Variants in KMT2C observed in about 807,000 individuals in gnomAD.
KMT2C encodes the protein histone-lysine N-methyltransferase 2C.
A neutral mutation model predicts 507.9 loss-of-function variants in KMT2C; 88 were observed. That is an observed-to-expected ratio of 0.17 (90% CI 0.15 to 0.21). The LOEUF is 0.21. Ranked by LOEUF, KMT2C falls within the 10% of genes least tolerant of loss-of-function variation. The pLI, the probability that KMT2C is intolerant of heterozygous loss-of-function variation, is 1.00. For missense variants in KMT2C, 4,954 were observed against 5,957.8 expected, an observed-to-expected ratio of 0.83 and a Z score of 5.55; for synonymous variants, 2,049 against 2,080.8, an observed-to-expected ratio of 0.98 and a Z score of 0.42.
chr7:152,150,108 T>C (rs191703900), intron 51 of KMT2C, among the ~76,000 whole-genome samples: 53 of 152,340 alleles, frequency 3.5e-4, no homozygotes, highest in African/African-American at 1.2e-3. Context: ...AGTATTACTG[T>C]ACAGGAAAAG....
chr7:152,214,153 G>A (rs2094517753), intron 23 of KMT2C, among the ~76,000 whole-genome samples: 1 of 149,950 alleles, frequency 6.7e-6, no homozygotes, highest in African/African-American at 2.5e-5. Context: ...ATTGAAAACA[G>A]TATAGAGTTT....
chr7:152,407,959 C>CTAT, intron 1 of KMT2C, among the ~76,000 whole-genome samples: 1 of 152,290 alleles, frequency 6.6e-6, no homozygotes, highest in Non-Finnish European at 1.5e-5. Flanking sequence ...AAATATGGAA[C>CTAT]ATATACTTCA....
rs768210869 is a variant in KMT2C, at chr7:152,163,826, T to G, written c.9751A>C (p.Ile3251Leu). The change falls in exon 43 of 59, where the codon ATT becomes CTT. Residue 3251 changes from isoleucine (I) to leucine (L), a missense_variant and splice_region_variant. Physicochemically the swap from Ile to Leu is conservative, Grantham distance 5. Transcript: ENST00000262189. ...QSMVQKQLEQ[I>L]RKQQKEHAEL... ...GCATGTTCTTTCTGTTGTTTACGAATCTGGAATAACAAAATGCATCATTAC... is the reference window on the plus strand; with the variant it reads ...GCATGTTCTTTCTGTTGTTTACGAAGCTGGAATAACAAAATGCATCATTAC... 11 of 1,613,544 alleles carry G rather than the reference T, an allele frequency of 6.8e-6. No homozygotes were observed. In the South Asian group the frequency reaches 1.1e-4, roughly 16 times the overall value.
chr7:152,203,933 G>A (rs535979170), intron 25 of KMT2C, among the ~76,000 whole-genome samples: 3 of 152,208 alleles, frequency 2.0e-5, no homozygotes, highest in South Asian at 2.1e-4. Flanking sequence ...AAAGCTCTCC[G>A]AAATTTGCTG....
intron 1 of KMT2C, among the ~76,000 whole-genome samples, chr7:152,390,153 G>A (rs1464467776): frequency 1.3e-5 from 2 of 152,064 alleles, no homozygotes; most frequent in South Asian, 2.1e-4. Flanking sequence ...GCCAAACCTC[G>A]GCATTACATA....
intron 6 of KMT2C, among the ~76,000 whole-genome samples, chr7:152,291,279 T>C (rs2096422135): frequency 6.6e-6 from 1 of 152,298 alleles, no homozygotes; most frequent in East Asian, 1.9e-4. Flanking sequence ...CAATTCAGTA[T>C]ATTCTGCCTC....
At chr7:152,171,931 G>A (rs1279572752) in intron 39 of KMT2C, among the ~76,000 whole-genome samples, 1 of 152,164 alleles carries the variant, frequency 6.6e-6, no homozygotes, top group Non-Finnish European at 1.5e-5. Flanking sequence ...ATGGTTAAAC[G>A]TGTTTAGAGA....
Position 152,194,081 on chromosome 7 carries a change from G to A in KMT2C, c.4588C>T (p.Pro1530Ser). 2 of 1,594,154 alleles carry A rather than the reference G, an allele frequency of 1.3e-6. No homozygotes were observed. The highest frequency in any genetic ancestry group is 1.7e-6 in the Non-Finnish European group (2 of 1,173,686). The change falls in exon 31 of 59, where the codon CCT becomes TCT. Residue 1530 changes from proline to serine, a missense_variant. Pro to Ser is a moderately conservative substitution (Grantham distance 74). Around this residue, in one of 29 missense-constraint regions of KMT2C, gnomAD observed 195 missense variants for 183.7 expected, o/e 1.06. Coordinates refer to ENST00000262189, the MANE Select transcript of KMT2C (RefSeq NM_170606.3). ...AATGGAGTTGGCTGAGTGTTCGCAG[G>A]ACTAAGTACAGCTGTAAATAAGTCT... is the stretch of plus-strand genomic sequence containing the variant. ...VEDLFTAVLSPANTQPTPLPQ... is the reference protein window; with the variant it reads ...VEDLFTAVLSSANTQPTPLPQ...
intron 36 of KMT2C, 81 bp downstream of exon 36, chr7:152,180,630 G>T: frequency 1.9e-6 from 2 of 1,057,148 alleles, no homozygotes; most frequent in Non-Finnish European, 2.7e-6. Context: ...ATTAACTCCT[G>T]TGTAGAAATT....
Position 152,166,971 on chromosome 7 carries a change from G to C in KMT2C, c.9750+175C>G, listed in dbSNP as rs1587860497. On this transcript the variant is annotated intron_variant, in intron 42 of 58. Transcript: ENST00000262189. ...TCACTTTAAGTAAAAGACTGGAGCT[G>C]TTATGGCTGCAGTTACTAAGAGGTC... 5.9e-5 allele frequency among the ~76,000 whole-genome samples: 9 copies of C among 152,292 alleles called. No homozygotes were observed. The South Asian group carries it at 1.9e-3, about 32-fold the overall frequency.
chr7:152,139,531 T>A, intron 56 of KMT2C, 144 bp downstream of exon 56: 4 of 647,334 alleles, frequency 6.2e-6, no homozygotes, highest in Non-Finnish European at 1.1e-5. Flanking sequence ...CTGATAAAAA[T>A]ACACTAATAT....
Position 152,334,738 on chromosome 7 carries a change from G to A in KMT2C, c.251-3999C>T, listed in dbSNP as rs371124505. On this transcript the variant is annotated intron_variant, in intron 2 of 58. Coordinates refer to ENST00000262189, the MANE Select transcript of KMT2C (RefSeq NM_170606.3). ...CCAGTCGCAATGCTGCCAATGAGGCGCAATGCTCCAGGTGATGGCAGAGAG... is the reference window on the plus strand; with the variant it reads ...CCAGTCGCAATGCTGCCAATGAGGCACAATGCTCCAGGTGATGGCAGAGAG... Among the ~76,000 whole-genome samples the A allele has an allele frequency of 8.5e-5, 13 of 152,280 alleles. No individual in the cohort carries two copies. In the East Asian group the frequency reaches 1.2e-3, roughly 14 times the overall value.
At chr7:152,197,286 G>GA (rs966703143) in intron 27 of KMT2C, among the ~76,000 whole-genome samples, 7 of 152,184 alleles carry the variant, frequency 4.6e-5, no homozygotes, top group Non-Finnish European at 1.0e-4. Flanking sequence ...GCTTAACCAA[G>GA]AAACTATTGG....
chr7:152,307,398 G>C (rs2096631408), intron 6 of KMT2C, among the ~76,000 whole-genome samples: 1 of 150,040 alleles, frequency 6.7e-6, no homozygotes. Flanking sequence ...GGAAGGGAGG[G>C]GAGAAGGAAG....
At chr7:152,223,505 T>C (rs1462984658) in intron 20 of KMT2C, among the ~76,000 whole-genome samples, 1 of 152,092 alleles carries the variant, frequency 6.6e-6, no homozygotes, top group African/African-American at 2.4e-5. Context: ...TAAAAATCTT[T>C]AGTCTTGGGC....
chr7:152,342,647 G>A (rs1003295815), intron 2 of KMT2C, among the ~76,000 whole-genome samples: 4 of 152,282 alleles, frequency 2.6e-5, no homozygotes, highest in African/African-American at 9.6e-5. Flanking sequence ...CAAAACGTTG[G>A]AGGTTCAGTG....
intron 1 of KMT2C, among the ~76,000 whole-genome samples, chr7:152,416,700 G>C (rs997575037): frequency 3.3e-5 from 5 of 150,548 alleles, no homozygotes; most frequent in Non-Finnish European, 5.9e-5. Flanking sequence ...CTCCAGCCTG[G>C]GTGACAGAAC....
intron 2 of KMT2C, among the ~76,000 whole-genome samples, chr7:152,341,388 C>T (rs1017460191): frequency 1.3e-5 from 2 of 152,186 alleles, no homozygotes; most frequent in African/African-American, 4.8e-5. Flanking sequence ...TTATCAAAGA[C>T]ATATAGGTGT....
rs537618708 is a variant in KMT2C at position 152,163,999 on chromosome 7, T to C, written c.9751-173A>G. Among the ~76,000 whole-genome samples, 115 of 152,312 alleles carry C rather than the reference T, an allele frequency of 7.6e-4. 7 individuals are homozygous for C. In the South Asian group the frequency reaches 0.024, roughly 32 times the overall value. On this transcript the variant is annotated intron_variant, in intron 42 of 58. Transcript: ENST00000262189. ...ACAAAAAAATTGAATTGATAAGCCT[T>C]AACTAACAACTGTCAATCTCTTTAA...
Sources: allele counts gnomAD v4.1 joint callset (sites outside exome capture counted in the v4.1 genomes callset), GRCh38; gene constraint gnomAD v4.1.1; regional missense constraint gnomAD v4.1.1; transcripts MANE v1.5; gene names NCBI Gene and HGNC (gene_info 2026-07-23, HGNC 2026-07-21).